The following IQGAP1 variants were observed in gnomAD, a reference collection of about 807,000 sequenced individuals.
IQGAP1 encodes ras GTPase-activating-like protein IQGAP1.
In IQGAP1, 66 loss-of-function variants were observed where a neutral mutation model predicts 215.6. The ratio of observed to expected loss-of-function variants is 0.31; its 90% CI spans 0.25 to 0.38. The LOEUF is 0.38. Among genes scored for constraint, IQGAP1 ranks in the 10% least tolerant of loss-of-function variants. IQGAP1 has a pLI of 1.00. For missense variants in IQGAP1, 1,712 were observed against 1,997.1 expected, an observed-to-expected ratio of 0.86 and a Z score of 2.72; for synonymous variants, 772 against 728.7, an observed-to-expected ratio of 1.06 and a Z score of -0.96.
At chr15:90,493,704 A>G (rs1966236878) in intron 35 of IQGAP1, among the ~76,000 whole-genome samples, 1 of 151,364 alleles carries the variant, frequency 6.6e-6, no homozygotes, top group African/African-American at 2.4e-5. Context: ...TCCATGGAAG[A>G]CTCTCTGGGG....
intron 30 of IQGAP1, among the ~76,000 whole-genome samples, chr15:90,485,468 C>A (rs535760606): frequency 6.6e-6 from 1 of 152,164 alleles, no homozygotes; most frequent in African/African-American, 2.4e-5. Context: ...GAGATGGAGT[C>A]TTGCTCTGTC....
At chr15:90,388,469 G>T (rs1447351482) in intron 1 of IQGAP1, 73 bp downstream of exon 1, 21 of 1,315,884 alleles carry the variant, frequency 1.6e-5, no homozygotes, top group Non-Finnish European at 2.0e-5. Flanking sequence ...TTTCCTGGGG[G>T]CTCGGCCGGG....
intron 15 of IQGAP1, among the ~76,000 whole-genome samples, chr15:90,458,811 A>C (rs751179087): frequency 1.3e-5 from 2 of 152,180 alleles, no homozygotes; most frequent in African/African-American, 2.4e-5. Flanking sequence ...CCACAGCATC[A>C]AGTGACATTC....
intron 36 of IQGAP1, chr15:90,496,983 T>C (rs1337714498): frequency 1.2e-5 from 4 of 320,756 alleles, no homozygotes; most frequent in Non-Finnish European, 2.3e-5. Flanking sequence ...AACTCCTCAG[T>C]GGTTCCTCTT....
intron 2 of IQGAP1, among the ~76,000 whole-genome samples, chr15:90,422,952 C>T (rs1965168902): frequency 2.6e-5 from 4 of 151,994 alleles, no homozygotes; most frequent in Non-Finnish European, 5.9e-5. Context: ...GCCTTGGCCT[C>T]CCAAAGTGCT....
intron 1 of IQGAP1, among the ~76,000 whole-genome samples, chr15:90,388,909 T>C (rs1459837149): frequency 6.6e-6 from 1 of 151,728 alleles, no homozygotes; most frequent in Non-Finnish European, 1.5e-5. Context: ...CGGGCTTAGT[T>C]CCCTCCTCAA....
intron 9 of IQGAP1, among the ~76,000 whole-genome samples, chr15:90,448,220 A>G (rs960942875): frequency 1.3e-5 from 2 of 152,230 alleles, no homozygotes; most frequent in Non-Finnish European, 2.9e-5. Flanking sequence ...GTCTGTAAGT[A>G]TAATCTGGAC....
At chr15:90,414,167 G>C (rs1316266007) in intron 2 of IQGAP1, among the ~76,000 whole-genome samples, 2 of 151,972 alleles carry the variant, frequency 1.3e-5, no homozygotes, top group Non-Finnish European at 2.9e-5. Context: ...TCTAGAAAAA[G>C]AAGTTGGCTG....
At chr15:90,445,409 T>G (rs1794066375) in intron 9 of IQGAP1, among the ~76,000 whole-genome samples, 1 of 152,198 alleles carries the variant, frequency 6.6e-6, no homozygotes, top group South Asian at 2.1e-4. Flanking sequence ...AAGATCCAGT[T>G]CAATTTTCAC....
At position 90,500,617 on chromosome 15, in the gene IQGAP1, T is replaced by C. The variant is rs1449500707; in HGVS notation, c.*509T>C. The C allele has an allele frequency of 6.6e-6, 1 of 152,380 alleles. No homozygotes were observed. Among genetic ancestry groups the C allele is most frequent in the African/African-American group, 2.4e-5 (1 of 41,478 alleles). The allele number at this position is 152,380 out of a possible 1,614,324, so 9.4% of individuals were successfully genotyped here. Reference sequence around the variant, plus strand: ...TATATTTCTGTCCCATCAGGAAAACTGAAGGATATGGGGAATCATTGGTTA... The same window carrying C: ...TATATTTCTGTCCCATCAGGAAAACCGAAGGATATGGGGAATCATTGGTTA... On this transcript the variant is annotated 3_prime_UTR_variant, in exon 38 of 38. Transcript: ENST00000268182.
intron 2 of IQGAP1, chr15:90,391,415 C>G (rs759857557): frequency 6.6e-6 from 1 of 152,368 alleles, no homozygotes; most frequent in Non-Finnish European, 1.5e-5. Flanking sequence ...TTCCAGGTTT[C>G]TATTGTTCAG....
chr15:90,420,142 G>A (rs1284017961), intron 2 of IQGAP1, among the ~76,000 whole-genome samples: 1 of 152,206 alleles, frequency 6.6e-6, no homozygotes, highest in East Asian at 1.9e-4. Flanking sequence ...GAGGGGATAG[G>A]AGGAAAGGCA....
In IQGAP1 at chr15:90,473,897, T is replaced by C; in HGVS notation, c.2435T>C (p.Ile812Thr). 1 of 1,613,876 alleles carries C rather than the reference T, an allele frequency of 6.2e-7. No homozygotes were observed. Among genetic ancestry groups the C allele is most frequent in the Non-Finnish European group, 8.5e-7 (1 of 1,179,968 alleles). The change falls in exon 21 of 38, where the codon ATT (isoleucine) becomes ACT (threonine). Residue 812 changes from isoleucine (I) to threonine (T), a missense_variant and splice_region_variant. Around this residue, in one of 2 missense-constraint regions of IQGAP1, gnomAD observed 1,021 missense variants for 1,074.2 expected, o/e 0.95. Transcript: ENST00000268182. The stretch of plus-strand genomic sequence containing the variant: ...ATTTCCAGGATCCCTTTTCCACAGA[T>C]TCAGTCCCTGGCAAGGATGCACCAA... ...LRSHKDEVVK[I>T]QSLARMHQAR...
At chr15:90,390,954 C>A in intron 2 of IQGAP1, 81 bp downstream of exon 2, 1 of 922,098 alleles carries the variant, frequency 1.1e-6, no homozygotes, top group Non-Finnish European at 1.8e-6. Context: ...TGCTTTGAGG[C>A]TGAACACAGT....
intron 8 of IQGAP1, among the ~76,000 whole-genome samples, chr15:90,443,023 G>A (rs1965474118): frequency 6.6e-6 from 1 of 151,838 alleles, no homozygotes; most frequent in Non-Finnish European, 1.5e-5. Flanking sequence ...GCAGTGGCAC[G>A]GTCATAACTC....
At chr15:90,475,525 C>T (rs1024892895) in intron 23 of IQGAP1, among the ~76,000 whole-genome samples, 4 of 151,674 alleles carry the variant, frequency 2.6e-5, no homozygotes, top group African/African-American at 4.8e-5. Flanking sequence ...CCGAGAAGGG[C>T]GGATCACTTG....
intron 2 of IQGAP1, among the ~76,000 whole-genome samples, chr15:90,403,878 T>G (rs1274443473): frequency 6.6e-6 from 1 of 152,224 alleles, no homozygotes; most frequent in East Asian, 1.9e-4. Flanking sequence ...TTTCACCATG[T>G]TGGCCAGGCT....
intron 2 of IQGAP1, among the ~76,000 whole-genome samples, chr15:90,423,568 A>G (rs1596259415): frequency 6.6e-6 from 1 of 152,152 alleles, no homozygotes; most frequent in African/African-American, 2.4e-5. Flanking sequence ...ACCAGGTGAT[A>G]CTCCATTGTG....
chr15:90,388,534 G>A, intron 1 of IQGAP1, 138 bp downstream of exon 1: 4 of 687,272 alleles, frequency 5.8e-6, no homozygotes, highest in Non-Finnish European at 8.6e-6. Context: ...CGTCCCGGTG[G>A]GGCGGCGGGC....
Sources: allele counts gnomAD v4.1 joint callset (sites outside exome capture counted in the v4.1 genomes callset), GRCh38; gene constraint gnomAD v4.1.1; regional missense constraint gnomAD v4.1.1; transcripts MANE v1.5; gene names NCBI Gene and HGNC (gene_info 2026-07-23, HGNC 2026-07-21).